Variants in KCNK2 observed in about 807,000 individuals in gnomAD.
The protein encoded by KCNK2 is potassium channel subfamily K member 2.
A neutral mutation model predicts 40.5 loss-of-function variants in KCNK2; 21 were observed. The ratio of observed to expected loss-of-function variants is 0.52; its 90% CI spans 0.37 to 0.75. KCNK2 has a LOEUF of 0.75. Ranked by LOEUF, KCNK2 falls within the 30% of genes least tolerant of loss-of-function variation. KCNK2 has a pLI of 0.00. For synonymous variants in KCNK2, 191 were observed against 202.2 expected, an observed-to-expected ratio of 0.94 and a Z score of 0.47; for missense variants, 399 against 531.6, an observed-to-expected ratio of 0.75 and a Z score of 2.45.
intron 3 of KCNK2, among the ~76,000 whole-genome samples, chr1:215,130,110 CA>C (rs1661602511): frequency 6.6e-6 from 1 of 152,144 alleles, no homozygotes; most frequent in South Asian, 2.1e-4. Context: ...ATGTGATTAT[CA>C]GATTGGAACT....
At chr1:215,128,560 G>A (rs1661534957) in intron 3 of KCNK2, among the ~76,000 whole-genome samples, 1 of 151,400 alleles carries the variant, frequency 6.6e-6, no homozygotes, top group African/African-American at 2.5e-5. Flanking sequence ...GGGTTTCAGT[G>A]CTATGAGAAT....
chr1:215,073,948 G>A (rs182881748), intron 1 of KCNK2, among the ~76,000 whole-genome samples: 97 of 152,226 alleles, frequency 6.4e-4, no homozygotes, highest in African/African-American at 2.0e-3. Flanking sequence ...AAGCTAGTGC[G>A]GGATTTTAAT....
At chr1:215,079,517 T>C (rs1659072278), upstream of KCNK2, among the ~76,000 whole-genome samples, 1 of 152,144 alleles carries the variant, frequency 6.6e-6, no homozygotes, top group Non-Finnish European at 1.5e-5. Context: ...TTAAAAGTGC[T>C]TACATATTTT....
chr1:215,025,196 ATAT>A (rs1003231164), intron 1 of KCNK2, among the ~76,000 whole-genome samples: 21 of 152,118 alleles, frequency 1.4e-4, no homozygotes, highest in African/African-American at 4.8e-4. Flanking sequence ...AATGAGGATA[ATAT>A]TTTCAATATT....
At chr1:215,116,198 T>C (rs549130855) in intron 2 of KCNK2, among the ~76,000 whole-genome samples, 12 of 152,056 alleles carry the variant, frequency 7.9e-5, no homozygotes, top group Non-Finnish European at 1.6e-4. Flanking sequence ...ATGATAGCTC[T>C]GAAGACTACA....
intron 6 of KCNK2, among the ~76,000 whole-genome samples, chr1:215,205,578 A>T (rs951066684): frequency 1.3e-5 from 2 of 152,154 alleles, no homozygotes; most frequent in African/African-American, 4.8e-5. Context: ...GAGTGCCTCA[A>T]GATCTTCTTG....
At chr1:215,036,421 C>A (rs528587267) in intron 1 of KCNK2, among the ~76,000 whole-genome samples, 20 of 151,814 alleles carry the variant, frequency 1.3e-4, no homozygotes, top group African/African-American at 4.3e-4. Flanking sequence ...ATCAGCATGG[C>A]CCCATCTTAA....
intron 2 of KCNK2, among the ~76,000 whole-genome samples, chr1:215,106,707 T>G (rs370674411): frequency 1.3e-5 from 2 of 152,124 alleles, no homozygotes; most frequent in South Asian, 4.1e-4. Context: ...TTCAAGGGTT[T>G]TTATGATTTG....
At position 215,083,267 on chromosome 1, in the gene KCNK2, C is replaced by G; in HGVS notation, c.-119C>G. On this transcript the variant is annotated 5_prime_UTR_variant, in exon 1 of 7. Transcript: ENST00000444842. ...AAAACAAAGCCGGGGAAAATGCCTGCCCGTGCAGCTCGGAGCGCGCAGCCC... is the reference window on the plus strand; with the variant it reads ...AAAACAAAGCCGGGGAAAATGCCTGGCCGTGCAGCTCGGAGCGCGCAGCCC... 1 of 1,568,628 alleles carries G rather than the reference C, an allele frequency of 6.4e-7. No homozygotes were observed. Among genetic ancestry groups the G allele is most frequent in the Non-Finnish European group, 8.7e-7 (1 of 1,150,622 alleles).
At chr1:215,192,215 G>A (rs1664697300) in intron 5 of KCNK2, among the ~76,000 whole-genome samples, 1 of 152,160 alleles carries the variant, frequency 6.6e-6, no homozygotes, top group South Asian at 2.1e-4. Flanking sequence ...TTAGATATCA[G>A]CAAGTGAGTA....
At chr1:215,027,571 A>G (rs1008708125) in intron 1 of KCNK2, among the ~76,000 whole-genome samples, 1 of 152,124 alleles carries the variant, frequency 6.6e-6, no homozygotes, top group African/African-American at 2.4e-5. Flanking sequence ...CCCAGAGTAA[A>G]CCCTACTTGG....
intron 2 of KCNK2, among the ~76,000 whole-genome samples, chr1:215,117,254 T>A (rs984264845): frequency 6.6e-6 from 1 of 152,108 alleles, no homozygotes; most frequent in Non-Finnish European, 1.5e-5. Context: ...AATTTAATTA[T>A]CTTAAATATT....
intron 1 of KCNK2, among the ~76,000 whole-genome samples, chr1:215,034,978 A>G (rs548792919): frequency 4.6e-5 from 7 of 152,194 alleles, no homozygotes; most frequent in Admixed American, 4.6e-4. Context: ...TTTCTCTGAC[A>G]GTGAAAAACC....
intron 1 of KCNK2, among the ~76,000 whole-genome samples, chr1:215,057,199 ATTT>A (rs59891592): frequency 1.4e-5 from 2 of 142,828 alleles, no homozygotes; most frequent in Non-Finnish European, 1.5e-5. Context: ...AGGTACAAGT[ATTT>A]TTTTTTTTTT....
In KCNK2 at chr1:215,135,751, T is replaced by C. The variant is rs569527519; in HGVS notation, c.475+11001T>C. On this transcript the variant is annotated intron_variant, in intron 3 of 6. Coordinates refer to ENST00000444842, the MANE Select transcript of KCNK2 (RefSeq NM_001017425.3). The stretch of plus-strand genomic sequence containing the variant: ...ATTTTATTTATTTATTTATTTATTT[T>C]TGAGATGGAGTCTTGCTCTGTCACC... 6.0e-4 allele frequency among the ~76,000 whole-genome samples: 91 copies of C among 151,946 alleles called. 1 individual carries two copies. Among genetic ancestry groups the C allele is most frequent in the African/African-American group, 2.0e-3 (85 of 41,516 alleles).
chr1:215,027,992 G>T (rs1350808753), intron 1 of KCNK2, among the ~76,000 whole-genome samples: 1 of 152,086 alleles, frequency 6.6e-6, no homozygotes, highest in Non-Finnish European at 1.5e-5. Flanking sequence ...TTCTGGAGTT[G>T]TGTGTGGTTG....
intron 2 of KCNK2, among the ~76,000 whole-genome samples, chr1:215,122,488 G>A (rs748496215): frequency 6.6e-6 from 1 of 152,006 alleles, no homozygotes; most frequent in Non-Finnish European, 1.5e-5. Flanking sequence ...ACTGTGTGTT[G>A]TGCATATGTG....
upstream of KCNK2, among the ~76,000 whole-genome samples, chr1:215,078,848 G>C (rs1303212257): frequency 2.0e-5 from 3 of 152,190 alleles, no homozygotes; most frequent in African/African-American, 7.2e-5. Flanking sequence ...ACATGGCTCA[G>C]AAATGGTAGA....
At chr1:215,080,442 A>T (rs890512109), upstream of KCNK2, among the ~76,000 whole-genome samples, 2 of 152,258 alleles carry the variant, frequency 1.3e-5, no homozygotes, top group African/African-American at 4.8e-5. Context: ...TTCAGAATAT[A>T]GTGAATTCAT....
Sources: allele counts gnomAD v4.1 joint callset (sites outside exome capture counted in the v4.1 genomes callset), GRCh38; gene constraint gnomAD v4.1.1; transcripts MANE v1.5; gene names NCBI Gene and HGNC (gene_info 2026-07-23, HGNC 2026-07-21).